GPHN: variants seen among roughly 807,000 people sequenced by gnomAD.
GPHN encodes gephyrin.
Under a neutral mutation model 95.5 loss-of-function variants are expected in GPHN, and 17 were observed. The observed-to-expected ratio is 0.18, with a 90% CI of 0.12 to 0.27. The LOEUF (loss-of-function observed/expected upper bound fraction) is 0.27. Among genes scored for constraint, GPHN ranks in the 10% least tolerant of loss-of-function variants. The probability of loss-of-function intolerance (pLI) is 1.00; values close to 1 mark genes in which losing one functional copy is unlikely to be tolerated. For synonymous variants in GPHN, 320 were observed against 322.5 expected (o/e 0.99, Z 0.08); for missense variants, 660 against 978.1 (o/e 0.67, Z 4.34).
the GPHN span, among the ~76,000 whole-genome samples, chr14:67,633,111 C>T: frequency 0.031 from 4,668 of 152,198 alleles, 223 homozygotes; most frequent in African/African-American, 0.1. Context: ...TGAGCCACTG[C>T]GCCCGGCCAA....
chr14:67,210,273 G>A, the GPHN span, among the ~76,000 whole-genome samples: 1 of 152,126 alleles, frequency 6.6e-6, no homozygotes, highest in African/African-American at 2.4e-5. Context: ...ATTAGAAAAA[G>A]CCATGGGCAG....
chr14:66,726,654 A>C (rs1451535447), intron 2 of GPHN, among the ~76,000 whole-genome samples: 1 of 152,240 alleles, frequency 6.6e-6, no homozygotes, highest in East Asian at 1.9e-4. Flanking sequence ...ATTTCATAAA[A>C]GCAGTTATCA....
chr14:67,200,048 G>A, the GPHN span: 2 of 936,984 alleles, frequency 2.1e-6, no homozygotes, highest in Non-Finnish European at 3.2e-6. Flanking sequence ...CCAGGCTCTG[G>A]GGGACAGCCA....
the GPHN span, among the ~76,000 whole-genome samples, chr14:67,523,322 CAAA>C: frequency 1.6e-5 from 2 of 128,776 alleles, no homozygotes; most frequent in African/African-American, 2.9e-5. Flanking sequence ...GACTCCATCT[CAAA>C]AAAAAAAAAA....
the GPHN span, among the ~76,000 whole-genome samples, chr14:67,640,743 T>C: frequency 6.6e-6 from 1 of 152,208 alleles, no homozygotes; most frequent in Non-Finnish European, 1.5e-5. Context: ...AGTCAGATTA[T>C]TTAGTCCTCA....
chr14:66,544,721 C>A (rs916607769), intron 1 of GPHN, among the ~76,000 whole-genome samples: 1 of 151,922 alleles, frequency 6.6e-6, no homozygotes, highest in Non-Finnish European at 1.5e-5. Flanking sequence ...TTTTCCTAGG[C>A]GGAGGACCCT....
Position 66,924,344 on chromosome 14 carries a change from C to G in GPHN, c.828+52C>G, listed in dbSNP as rs756029772. 1.8e-5 allele frequency: 17 copies of G among 959,428 alleles called. No individual in the cohort carries two copies. The South Asian group carries it at 2.2e-4, about 13-fold the overall frequency. 59.4% of individuals were successfully genotyped at this position (959,428 alleles called of 1,614,324 possible). A position where few individuals can be genotyped will look rare whatever the true frequency, so the allele number is the denominator to read the frequency against. ...GGTTTTCCAAATATGTATTCTACTTCCTCTCCTTGGAGATAGGCTGTAACA... is the reference window on the plus strand; with the variant it reads ...GGTTTTCCAAATATGTATTCTACTTGCTCTCCTTGGAGATAGGCTGTAACA... On this transcript the variant is annotated intron_variant, in intron 8 of 22. Transcript: ENST00000478722.
At chr14:67,173,933 A>G (rs2140121374) in intron 21 of GPHN, among the ~76,000 whole-genome samples, 1 of 152,362 alleles carries the variant, frequency 6.6e-6, no homozygotes, top group African/African-American at 2.4e-5. Flanking sequence ...GAGAGCTTCA[A>G]TAACAGACTT....
At chr14:66,682,140 T>C (rs1285819808) in intron 2 of GPHN, among the ~76,000 whole-genome samples, 1 of 152,208 alleles carries the variant, frequency 6.6e-6, no homozygotes, top group East Asian at 1.9e-4. Flanking sequence ...TATCGAATAT[T>C]GAAGTTTATA....
chr14:66,717,713 C>T (rs1475739535), intron 2 of GPHN, among the ~76,000 whole-genome samples: 1 of 152,158 alleles, frequency 6.6e-6, no homozygotes, highest in Non-Finnish European at 1.5e-5. Flanking sequence ...TGATATAGTA[C>T]TCTTCCCCTT....
At chr14:67,708,412 T>C in the GPHN span, among the ~76,000 whole-genome samples, 3 of 152,170 alleles carry the variant, frequency 2.0e-5, 1 homozygote, top group South Asian at 4.1e-4. Context: ...GAAACCTGCA[T>C]TTAAGAACAC....
chr14:67,605,443 A>C, the GPHN span, among the ~76,000 whole-genome samples: 1 of 152,086 alleles, frequency 6.6e-6, no homozygotes, highest in South Asian at 2.1e-4. Context: ...TATAACTTCA[A>C]ATTCCTGGGC....
chr14:66,971,087 G>A (rs768318296), intron 9 of GPHN, among the ~76,000 whole-genome samples: 1 of 152,190 alleles, frequency 6.6e-6, no homozygotes, highest in Non-Finnish European at 1.5e-5. Flanking sequence ...CCATCACTTT[G>A]GGAGGCCAAG....
At chr14:66,974,853 A>T (rs2070108448) in intron 9 of GPHN, among the ~76,000 whole-genome samples, 2 of 152,172 alleles carry the variant, frequency 1.3e-5, no homozygotes, top group Non-Finnish European at 2.9e-5. Flanking sequence ...TGAATCACTT[A>T]ATACATGTGT....
the GPHN span, chr14:67,271,686 CAG>C: frequency 2.0e-5 from 3 of 152,238 alleles, no homozygotes; most frequent in South Asian, 2.1e-4. Context: ...GAATTGAAAA[CAG>C]GGAGAGGATT....
chr14:67,586,591 C>G, the GPHN span: 1 of 474,800 alleles, frequency 2.1e-6, no homozygotes, highest in Non-Finnish European at 3.8e-6. Context: ...TTTGTTCCTA[C>G]TCAATACAGG....
chr14:66,707,321 C>A (rs1353029359), intron 2 of GPHN, among the ~76,000 whole-genome samples: 1 of 152,046 alleles, frequency 6.6e-6, no homozygotes, highest in African/African-American at 2.4e-5. Context: ...GGGTATATAC[C>A]CAGAGGAATA....
At chr14:67,470,216 C>T in the GPHN span, 1 of 152,272 alleles carries the variant, frequency 6.6e-6, no homozygotes, top group African/African-American at 2.4e-5. Flanking sequence ...CCTCCAGGAG[C>T]CCCTGAGAAA....
At chr14:66,563,152 TC>T (rs541638501) in intron 1 of GPHN, among the ~76,000 whole-genome samples, 78 of 152,274 alleles carry the variant, frequency 5.1e-4, no homozygotes, top group African/African-American at 1.6e-3. Context: ...GTTTTAATGC[TC>T]TAGACCTCTC....
Sources: allele counts gnomAD v4.1 joint callset (sites outside exome capture counted in the v4.1 genomes callset), GRCh38; gene constraint gnomAD v4.1.1; transcripts MANE v1.5; gene names NCBI Gene and HGNC (gene_info 2026-07-23, HGNC 2026-07-21).